Variants in PXK observed in about 807,000 individuals in gnomAD.
PXK encodes the protein PX domain-containing protein kinase-like protein.
A neutral mutation model predicts 84.7 loss-of-function variants in PXK; 35 were observed. The ratio of observed to expected loss-of-function variants is 0.41; its 90% CI spans 0.32 to 0.55. The LOEUF is 0.55. Ranked by LOEUF, PXK falls within the 20% of genes least tolerant of loss-of-function variation. The pLI, the probability that PXK is intolerant of heterozygous loss-of-function variation, is 0.21. For synonymous variants in PXK, 253 were observed against 260.8 expected (o/e 0.97, Z 0.29); for missense variants, 634 against 699.7 (o/e 0.91, Z 1.06).
chr3:58,396,225 A>G (rs2057648483), intron 9 of PXK, among the ~76,000 whole-genome samples: 1 of 152,214 alleles, frequency 6.6e-6, no homozygotes, highest in South Asian at 2.1e-4. Flanking sequence ...TGTTATGTCT[A>G]TTTAACTATA....
chr3:58,349,207 C>G (rs1445041899), intron 1 of PXK, among the ~76,000 whole-genome samples: 2 of 152,036 alleles, frequency 1.3e-5, no homozygotes, highest in East Asian at 1.9e-4. Context: ...GCACTCCAGC[C>G]TGGGCGACAG....
intron 1 of PXK, among the ~76,000 whole-genome samples, chr3:58,338,019 T>C (rs1018208025): frequency 1.3e-4 from 20 of 152,324 alleles, no homozygotes; most frequent in Non-Finnish European, 2.5e-4. Flanking sequence ...TGGAAGTTTC[T>C]TTAGAATTCT....
intron 3 of PXK, among the ~76,000 whole-genome samples, chr3:58,374,110 T>C (rs2098416177): frequency 6.6e-6 from 1 of 151,528 alleles, no homozygotes; most frequent in Non-Finnish European, 1.5e-5. Flanking sequence ...ATATAGTTTG[T>C]CATATAATTT....
intron 1 of PXK, among the ~76,000 whole-genome samples, chr3:58,335,264 A>T (rs2097573946): frequency 6.6e-6 from 1 of 152,188 alleles, no homozygotes; most frequent in South Asian, 2.1e-4. Context: ...ACAGTGACTC[A>T]CAGGAGACCC....
At position 58,333,158 on chromosome 3, in the gene PXK, C is replaced by G; in HGVS notation, c.102+68C>G. On this transcript the variant is annotated intron_variant, in intron 1 of 17. Transcript: ENST00000356151. This position sits in a 1 kb window ranked among gnomAD's most constrained non-coding sequence, Gnocchi z 5.4. ...GGGCCGCGAGGGGGCTGCGGGCTGCCTGGCGCGGGCCGGGCAGGGTCGTCG... is the reference window on the plus strand; with the variant it reads ...GGGCCGCGAGGGGGCTGCGGGCTGCGTGGCGCGGGCCGGGCAGGGTCGTCG... 9.7e-6 allele frequency: 9 copies of G among 930,046 alleles called. No individual in the cohort carries two copies. The highest frequency in any genetic ancestry group is 1.2e-5 in the Non-Finnish European group (9 of 771,286). 57.6% of individuals were successfully genotyped at this position (930,046 alleles called of 1,614,324 possible).
Position 58,397,319 on chromosome 3 carries a change from C to T in PXK, c.984+119C>T. 8.0e-7 allele frequency: 1 copy of T among 1,249,650 alleles called. No individual in the cohort carries two copies. The highest frequency in any genetic ancestry group is 1.4e-5 in the South Asian group (1 of 74,026). 77.4% of individuals were successfully genotyped at this position (1,249,650 alleles called of 1,614,324 possible). The stretch of plus-strand genomic sequence containing the variant: ...AAGGTATAGTTGGGACAGGCCTTGC[C>T]CGTCAGCCCTTGCAGCGTTGCTGTA... On this transcript the variant is annotated intron_variant, in intron 10 of 17. Coordinates refer to ENST00000356151, the MANE Select transcript of PXK (RefSeq NM_017771.5). This position sits in a 1 kb window ranked among gnomAD's most constrained non-coding sequence, Gnocchi z 4.7.
intron 1 of PXK, among the ~76,000 whole-genome samples, chr3:58,349,001 A>G (rs1031612316): frequency 1.3e-5 from 2 of 152,310 alleles, no homozygotes; most frequent in African/African-American, 4.8e-5. Flanking sequence ...GCATATCTCA[A>G]TTGGGACTAG....
In PXK at chr3:58,420,502, C is replaced by A. The variant is rs1190097817; in HGVS notation, c.1529-4250C>A. 4 of 1,534,610 alleles carry A rather than the reference C, an allele frequency of 2.6e-6. No homozygotes were observed. The Admixed American group carries it at 7.9e-5, about 30-fold the overall frequency. ...CTAAAATCTGAATAATGACTTGTGTCCCCCCTTTCTCTCTCTCTCTTTGCT... is the reference window on the plus strand; with the variant it reads ...CTAAAATCTGAATAATGACTTGTGTACCCCCTTTCTCTCTCTCTCTTTGCT... On this transcript the variant is annotated intron_variant, in intron 17 of 17. Transcript: ENST00000356151.
intron 13 of PXK, among the ~76,000 whole-genome samples, chr3:58,408,525 CTTT>C (rs10587686): frequency 3.5e-5 from 5 of 143,082 alleles, no homozygotes; most frequent in East Asian, 4.0e-4. Context: ...CCAAATGACT[CTTT>C]TTTTTTTTTT....
At chr3:58,368,973 G>T (rs2098323653) in intron 2 of PXK, among the ~76,000 whole-genome samples, 1 of 152,242 alleles carries the variant, frequency 6.6e-6, no homozygotes, top group Non-Finnish European at 1.5e-5. Context: ...CTGCAATGCA[G>T]TCCAGTCTCC....
intron 17 of PXK, among the ~76,000 whole-genome samples, chr3:58,419,285 CTT>C (rs1204536165): frequency 6.6e-6 from 1 of 152,174 alleles, no homozygotes; most frequent in Non-Finnish European, 1.5e-5. Context: ...GAGTTTCACT[CTT>C]GTTGCCCTGG....
intron 1 of PXK, among the ~76,000 whole-genome samples, chr3:58,335,422 G>A (rs1430046032): frequency 6.6e-6 from 1 of 152,206 alleles, no homozygotes; most frequent in African/African-American, 2.4e-5. Flanking sequence ...TTACGCTGAT[G>A]CAAACTTTTT....
At chr3:58,417,898 G>C (rs1015745593) in intron 17 of PXK, among the ~76,000 whole-genome samples, 3 of 152,206 alleles carry the variant, frequency 2.0e-5, no homozygotes, top group Non-Finnish European at 2.9e-5. Context: ...CTGGAATGCA[G>C]TGGTGCAATC....
intron 17 of PXK, among the ~76,000 whole-genome samples, chr3:58,420,340 T>C (rs1461351723): frequency 6.6e-6 from 1 of 152,266 alleles, no homozygotes; most frequent in Non-Finnish European, 1.5e-5. Flanking sequence ...ACGTTTGCCA[T>C]GTTTTAAAAG....
At chr3:58,410,784 T>G (rs1202795798) in intron 16 of PXK, among the ~76,000 whole-genome samples, 1 of 152,176 alleles carries the variant, frequency 6.6e-6, no homozygotes, top group African/African-American at 2.4e-5. Context: ...ATCTGTGAAG[T>G]AGAGCCCACA....
rs1420094477 is a variant in PXK at position 58,412,603 on chromosome 3, A to T, written c.1466-298A>T. Among the ~76,000 whole-genome samples, 2 of 152,136 alleles carry T rather than the reference A, an allele frequency of 1.3e-5. No individual in the cohort carries two copies. The highest frequency in any genetic ancestry group is 2.9e-5 in the Non-Finnish European group (2 of 68,032). On this transcript the variant is annotated intron_variant, in intron 16 of 17. Coordinates refer to ENST00000356151, the MANE Select transcript of PXK (RefSeq NM_017771.5). This position sits in a 1 kb window ranked among gnomAD's most constrained non-coding sequence, Gnocchi z 6.2. ...GGAGTGGAGGTTGCGTCAGGAAGAG[A>T]TACTGCAGCCAATTGCCTAAGCTGT...
chr3:58,380,193 G>C (rs1368332508), intron 3 of PXK, among the ~76,000 whole-genome samples: 1 of 152,108 alleles, frequency 6.6e-6, no homozygotes, highest in Non-Finnish European at 1.5e-5. Flanking sequence ...GATGAAAACA[G>C]ACACATGAAA....
chr3:58,394,754 A>C (rs2057369302), intron 7 of PXK, among the ~76,000 whole-genome samples: 1 of 152,174 alleles, frequency 6.6e-6, no homozygotes. Context: ...GGAGTTTACC[A>C]CATCCATTAT....
At position 58,423,053 on chromosome 3, in the gene PXK, A is replaced by C. The variant is rs957885383; in HGVS notation, c.1529-1699A>C. ...GGCACCTACTTACCCCCAAGTGGGCAGAGCTCACTCCTTCGGGCCCACTTG... is the reference window on the plus strand; with the variant it reads ...GGCACCTACTTACCCCCAAGTGGGCCGAGCTCACTCCTTCGGGCCCACTTG... On this transcript the variant is annotated intron_variant, in intron 17 of 17. Coordinates refer to ENST00000356151, the MANE Select transcript of PXK (RefSeq NM_017771.5). 7 of 985,392 alleles carry C rather than the reference A, an allele frequency of 7.1e-6. No homozygotes were observed. In the Admixed American group the frequency reaches 3.1e-4, roughly 43 times the overall value. 61.0% of individuals were successfully genotyped at this position (985,392 alleles called of 1,614,324 possible).
Sources: gnomAD v4.1 joint callset for allele counts (sites outside exome capture counted in the v4.1 genomes callset) on GRCh38, gnomAD v4.1.1 for gene constraint, Gnocchi (gnomAD v3.1) non-coding constraint, MANE v1.5 for transcripts, NCBI Gene and HGNC (gene_info 2026-07-23, HGNC 2026-07-21) for gene names.